TENM4: variants seen among roughly 807,000 people sequenced by gnomAD.
TENM4 encodes the protein teneurin-4.
TENM4 carries 82 observed loss-of-function variants against 243.3 expected under a neutral mutation model. That is an observed-to-expected ratio of 0.34 (90% CI 0.28 to 0.40). The LOEUF (loss-of-function observed/expected upper bound fraction) is 0.40, where lower values mean the gene tolerates loss of function less well. Among genes scored for constraint, TENM4 ranks in the 10% least tolerant of loss-of-function variants. TENM4 has a pLI of 1.00. For missense variants in TENM4, 3,138 were observed against 3,673.3 expected, an observed-to-expected ratio of 0.85 and a Z score of 3.77; for synonymous variants, 1,412 against 1,456.3, an observed-to-expected ratio of 0.97 and a Z score of 0.69.
chr11:78,973,423 G>A (rs747454301), intron 6 of TENM4, among the ~76,000 whole-genome samples: 20 of 152,272 alleles, frequency 1.3e-4, no homozygotes, highest in Non-Finnish European at 1.5e-4. Context: ...TCCCCTAATG[G>A]CAAATGATGC....
chr11:78,996,857 C>T (rs1329143725), intron 6 of TENM4, among the ~76,000 whole-genome samples: 1 of 152,112 alleles, frequency 6.6e-6, no homozygotes, highest in Admixed American at 6.5e-5. Context: ...TGGAGGGCTC[C>T]AGCTGTAAGG....
At chr11:79,249,997 C>CT (rs1855582281) in intron 2 of TENM4, among the ~76,000 whole-genome samples, 1 of 152,040 alleles carries the variant, frequency 6.6e-6, no homozygotes, top group Non-Finnish European at 1.5e-5. Context: ...ATTTTCTTTT[C>CT]TTTTTTTAGA....
intron 1 of TENM4, among the ~76,000 whole-genome samples, chr11:79,389,018 C>G (rs564566868): frequency 5.3e-5 from 8 of 152,304 alleles, no homozygotes; most frequent in African/African-American, 1.9e-4. Flanking sequence ...GTTGGCAGCA[C>G]CAGATCAGGG....
chr11:79,152,192 A>G (rs2135059795), intron 3 of TENM4, among the ~76,000 whole-genome samples: 1 of 152,244 alleles, frequency 6.6e-6, no homozygotes, highest in Non-Finnish European at 1.5e-5. Context: ...CACAAATATT[A>G]ATATGTTGGT....
intron 6 of TENM4, among the ~76,000 whole-genome samples, chr11:78,912,241 G>T (rs1856204695): frequency 6.6e-6 from 1 of 152,148 alleles, no homozygotes; most frequent in South Asian, 2.1e-4. Flanking sequence ...TTTCAAGGGT[G>T]TTCAGAAAGA....
At chr11:79,105,832 C>G (rs772954397) in intron 4 of TENM4, among the ~76,000 whole-genome samples, 1 of 152,214 alleles carries the variant, frequency 6.6e-6, no homozygotes, top group Non-Finnish European at 1.5e-5. Flanking sequence ...GTTGAGAGAA[C>G]CAGCTTATGC....
At chr11:78,688,384 A>C (rs550350593) in intron 28 of TENM4, among the ~76,000 whole-genome samples, 158 bp from the exon 29 acceptor site, 4 of 152,232 alleles carry the variant, frequency 2.6e-5, no homozygotes, top group Admixed American at 2.0e-4. Context: ...AGGACCTGGT[A>C]CATAGATTTC....
At chr11:79,039,514 T>C (rs1301687452) in intron 6 of TENM4, among the ~76,000 whole-genome samples, 1 of 152,248 alleles carries the variant, frequency 6.6e-6, no homozygotes, top group Non-Finnish European at 1.5e-5. Context: ...GTCATAGGAC[T>C]GAGTGTGTTG....
intron 1 of TENM4, among the ~76,000 whole-genome samples, chr11:79,356,892 T>C (rs1857506215): frequency 6.6e-6 from 1 of 152,190 alleles, no homozygotes; most frequent in South Asian, 2.1e-4. Flanking sequence ...ATAATGAATA[T>C]TATAATATGA....
At chr11:79,407,834 G>T (rs962223068) in intron 1 of TENM4, among the ~76,000 whole-genome samples, 13 of 152,102 alleles carry the variant, frequency 8.5e-5, no homozygotes, top group African/African-American at 3.1e-4. Flanking sequence ...GAATTGCTGG[G>T]CCTCATCCCC....
Position 78,854,319 on chromosome 11 carries a change from A to G in TENM4, c.1471-5T>C. The G allele has an allele frequency of 1.3e-6, 2 of 1,494,648 alleles. No individual in the cohort carries two copies. Among genetic ancestry groups the G allele is most frequent in the South Asian group, 1.3e-5 (1 of 75,048 alleles). The allele number at this position is 1,494,648 out of a possible 1,614,324, so 92.6% of individuals were successfully genotyped here. On this transcript the variant is annotated splice_polypyrimidine_tract_variant and splice_region_variant and intron_variant, in intron 11 of 33. Transcript: ENST00000278550. ...CAGCAGCTCCACAAAGTCAAACTGA[A>G]AGACAGAGAAAGCACAGTTAGCAGT...
chr11:78,930,228 G>C (rs1197680711), intron 6 of TENM4, among the ~76,000 whole-genome samples: 1 of 152,180 alleles, frequency 6.6e-6, no homozygotes, highest in African/African-American at 2.4e-5. Context: ...ATTTTGATAT[G>C]ATGGAGTAAT....
chr11:78,866,499 G>A lies in TENM4; in HGVS notation c.1085-3367C>T, dbSNP rs537528022. On this transcript the variant is annotated intron_variant, in intron 9 of 33. Coordinates refer to ENST00000278550, the MANE Select transcript of TENM4 (RefSeq NM_001098816.3). ...AAAAGATACGTTGTGGGTAGGGGTG[G>A]GAATAAGCCAGGGAAAAAAGTGTTG... 6.6e-5 allele frequency among the ~76,000 whole-genome samples: 10 copies of A among 151,804 alleles called. No individual in the cohort carries two copies. The East Asian group carries it at 1.9e-3, about 29-fold the overall frequency.
intron 3 of TENM4, among the ~76,000 whole-genome samples, chr11:79,183,147 G>A (rs1429040705): frequency 6.6e-6 from 1 of 152,076 alleles, no homozygotes; most frequent in Non-Finnish European, 1.5e-5. Context: ...CCAAAACTTG[G>A]AAGCAACCAA....
intron 2 of TENM4, among the ~76,000 whole-genome samples, chr11:79,219,642 A>G (rs114047717): frequency 6.6e-6 from 1 of 152,330 alleles, no homozygotes; most frequent in African/African-American, 2.4e-5. Flanking sequence ...AAGGGAGACA[A>G]GATCCAAACC....
intron 2 of TENM4, among the ~76,000 whole-genome samples, chr11:79,271,658 A>T (rs972146266): frequency 6.6e-6 from 1 of 151,916 alleles, no homozygotes; most frequent in African/African-American, 2.4e-5. Flanking sequence ...TTCACCTTCC[A>T]CTCTTCAACC....
At chr11:78,880,457 TAAAAAAAAAAAAAAAAAAAAA>T (rs71763484) in intron 9 of TENM4, among the ~76,000 whole-genome samples, 86 of 104,488 alleles carry the variant, frequency 8.2e-4, no homozygotes, top group South Asian at 1.3e-3. Context: ...CAATAAATAC[TAAAAAAAAAAAAAAAAAAAAA>T]AAAAAAAAAA....
chr11:79,190,636 G>A (rs753380358), intron 3 of TENM4, among the ~76,000 whole-genome samples: 1 of 152,138 alleles, frequency 6.6e-6, no homozygotes, highest in East Asian at 1.9e-4. Flanking sequence ...GGTTCTGGCC[G>A]AATAAATGTG....
intron 17 of TENM4, among the ~76,000 whole-genome samples, chr11:78,775,513 A>G (rs921973634): frequency 1.3e-5 from 2 of 152,246 alleles, no homozygotes; most frequent in African/African-American, 2.4e-5. Flanking sequence ...GCAGTATCCT[A>G]TAAGTTTCAG....
Sources: gnomAD v4.1 joint callset for allele counts (sites outside exome capture counted in the v4.1 genomes callset) on GRCh38, gnomAD v4.1.1 for gene constraint, MANE v1.5 for transcripts, NCBI Gene and HGNC (gene_info 2026-07-23, HGNC 2026-07-21) for gene names.